SPTAN1: variants seen among roughly 807,000 people sequenced by gnomAD.
SPTAN1 encodes spectrin alpha chain, non-erythrocytic 1.
A neutral mutation model predicts 331.3 loss-of-function variants in SPTAN1; 61 were observed. That is an observed-to-expected ratio of 0.18 (90% CI 0.15 to 0.23). The LOEUF is 0.23. Among genes scored for constraint, SPTAN1 ranks in the 10% least tolerant of loss-of-function variants. SPTAN1 has a pLI of 1.00. For synonymous variants in SPTAN1, 1,153 were observed against 1,173.9 expected, an observed-to-expected ratio of 0.98 and a Z score of 0.36; for missense variants, 2,043 against 3,147.9, an observed-to-expected ratio of 0.65 and a Z score of 8.40.
Position 128,625,960 on chromosome 9 carries a change from T to C in SPTAN1, c.6261T>C (p.Ala2087=). The C allele has an allele frequency of 6.2e-7, 1 of 1,614,036 alleles. No homozygotes were observed. The highest frequency in any genetic ancestry group is 8.5e-7 in the Non-Finnish European group (1 of 1,179,982). The change falls in exon 48 of 57, where the codon GCT becomes GCC. Residue 2087 remains alanine (A), a synonymous_variant. Transcript: ENST00000372739. This position sits in a 1 kb window ranked among gnomAD's most constrained non-coding sequence, Gnocchi z 4.1. ...SAARKKKLLE[A]QSHFRKVEDL... ...CCCGCAAGAAGAAGCTTCTGGAGGC[T>C]CAGAGTCACTTCCGCAAGGTGAGGA...
At position 128,604,364 on chromosome 9, in the gene SPTAN1, C is replaced by G. The variant is rs372831978; in HGVS notation, c.3666C>G (p.Ala1222=). The change falls in exon 29 of 57, where the codon GCC becomes GCG. Residue 1222 remains alanine, a synonymous_variant. Coordinates refer to ENST00000372739, the MANE Select transcript of SPTAN1 (RefSeq NM_001130438.3). ...GCTGGCGGTCCCTACAGCAGCTGGC[C>G]GAGGAACGGAGCCAGCTCTTGGGCA... ...NERWRSLQQL[A]EERSQLLGSA... is the part of the protein sequence containing the mutation. 2 of 1,613,832 alleles carry G rather than the reference C, an allele frequency of 1.2e-6. No homozygotes were observed. The highest frequency in any genetic ancestry group is 1.3e-5 in the African/African-American group (1 of 74,920).
chr9:128,600,328 T>G (rs985417499), intron 27 of SPTAN1, among the ~76,000 whole-genome samples: 4 of 152,166 alleles, frequency 2.6e-5, no homozygotes, highest in Non-Finnish European at 5.9e-5. Context: ...TACAGTTAGG[T>G]TGCATTGATT....
rs551594202 is a variant in SPTAN1 at position 128,627,643 on chromosome 9, G to A, written c.6689+145G>A. 16 of 885,734 alleles carry A rather than the reference G, an allele frequency of 1.8e-5. No individual in the cohort carries two copies. Among genetic ancestry groups the A allele is most frequent in the Non-Finnish European group, 2.2e-5 (12 of 549,166 alleles). The allele number at this position is 885,734 out of a possible 1,614,324, so 54.9% of individuals were successfully genotyped here. On this transcript the variant is annotated intron_variant, in intron 50 of 56. Transcript: ENST00000372739. The surrounding 1 kb of genome is among the most constrained non-coding windows in gnomAD (Gnocchi z 4.9). ...AAAGCTGGGCTGGCAACGCCTGGTC[G>A]GGCTCTGGAGCCGGGAGTGGGGGCA...
Position 128,633,595 on chromosome 9 carries a change from T to A in SPTAN1, c.*261T>A. 9.0e-7 allele frequency: 1 copy of A among 1,114,468 alleles called. No individual in the cohort carries two copies. Among genetic ancestry groups the A allele is most frequent in the Non-Finnish European group, 1.3e-6 (1 of 772,900 alleles). 69.0% of individuals were successfully genotyped at this position (1,114,468 alleles called of 1,614,324 possible). ...TCGAAGCAGCTGGCTCCTCCCCTTG[T>A]TCTCTCTCCCACCCTCCCCCAAATC... On this transcript the variant is annotated 3_prime_UTR_variant, in exon 57 of 57. Coordinates refer to ENST00000372739, the MANE Select transcript of SPTAN1 (RefSeq NM_001130438.3).
At chr9:128,626,980 A>G (rs1216684772) in intron 49 of SPTAN1, 2 of 581,538 alleles carry the variant, frequency 3.4e-6, no homozygotes, top group East Asian at 7.9e-5. Flanking sequence ...ACGCCTGGCT[A>G]ATTATTTTAA....
rs1483154420 is a variant in SPTAN1 at position 128,618,033 on chromosome 9, G to A, written c.5525G>A (p.Gly1842Glu). ...AAGCTGTCCGATGACAACACCATCG[G>A]GAAAGAGGAGATCCAGCAGCGGCTG... Reference protein sequence around the residue: ...GKKLSDDNTIGKEEIQQRLAQ... With the variant: ...GKKLSDDNTIEKEEIQQRLAQ... Residue 1842 changes from glycine (G) to glutamate (E), a missense_variant, in exon 43 of 57, where the codon GGG (glycine) becomes GAG (glutamate). Around this residue, in one of 12 missense-constraint regions of SPTAN1, gnomAD observed 323 missense variants for 581.1 expected, o/e 0.56. Coordinates refer to ENST00000372739, the MANE Select transcript of SPTAN1 (RefSeq NM_001130438.3). 3 of 1,613,940 alleles carry A rather than the reference G, an allele frequency of 1.9e-6. No individual in the cohort carries two copies. Among genetic ancestry groups the A allele is most frequent in the Non-Finnish European group, 1.7e-6 (2 of 1,179,992 alleles).
chr9:128,606,721 G>C (rs1272563555), intron 31 of SPTAN1, among the ~76,000 whole-genome samples: 1 of 151,904 alleles, frequency 6.6e-6, no homozygotes, highest in East Asian at 1.9e-4. Flanking sequence ...CCTGACCTCA[G>C]GTGATCCACC....
At chr9:128,617,351 T>C (rs1857299333) in intron 41 of SPTAN1, among the ~76,000 whole-genome samples, 1 of 152,200 alleles carries the variant, frequency 6.6e-6, no homozygotes, top group Admixed American at 6.5e-5. Context: ...TATATTGATA[T>C]AATTTGATAG....
At position 128,632,446 on chromosome 9, in the gene SPTAN1, G is replaced by C; in HGVS notation, c.6975G>C (p.Val2325=). 1 of 1,614,146 alleles carries C rather than the reference G, an allele frequency of 6.2e-7. No homozygotes were observed. The highest frequency in any genetic ancestry group is 8.5e-7 in the Non-Finnish European group (1 of 1,180,042). ...TTTCTTCCAGGAACACAACAGGTGTGACTGAGGAGGCCCTCAAAGAATTCA... is the reference window on the plus strand; with the variant it reads ...TTTCTTCCAGGAACACAACAGGTGTCACTGAGGAGGCCCTCAAAGAATTCA... ...QQIQARNTTG[V]TEEALKEFSM... Residue 2325 remains valine, a synonymous_variant, in exon 54 of 57, where the codon GTG becomes GTC. Transcript: ENST00000372739.
intron 27 of SPTAN1, among the ~76,000 whole-genome samples, chr9:128,602,366 G>A (rs1855284551): frequency 1.3e-5 from 2 of 150,002 alleles, no homozygotes; most frequent in African/African-American, 2.5e-5. Flanking sequence ...ACAGGCACCC[G>A]CCACCATGCC....
rs960642482 is a variant in SPTAN1 at position 128,625,236 on chromosome 9, C to T, written c.6069+57C>T. Reference sequence around the variant, plus strand: ...TATGCAGATAGCATCTGTGAGATGACTGGTGGCGTCTTTCACTGAGGCATT... The same window carrying T: ...TATGCAGATAGCATCTGTGAGATGATTGGTGGCGTCTTTCACTGAGGCATT... On this transcript the variant is annotated intron_variant, in intron 47 of 56. Coordinates refer to ENST00000372739, the MANE Select transcript of SPTAN1 (RefSeq NM_001130438.3). The surrounding 1 kb of genome is among the most constrained non-coding windows in gnomAD (Gnocchi z 4.1). 3.3e-5 allele frequency: 51 copies of T among 1,544,932 alleles called. No homozygotes were observed. Among genetic ancestry groups the T allele is most frequent in the Non-Finnish European group, 4.6e-5 (51 of 1,118,584 alleles).
Position 128,633,361 on chromosome 9 carries a change from G to A in SPTAN1, c.*27G>A, listed in dbSNP as rs372819699. Reference sequence around the variant, plus strand: ...CCACTCCCTGGGTCACCCACCCCTCGCTGCTTGCCCTGCGTCGCCTTGCTG... The same window carrying A: ...CCACTCCCTGGGTCACCCACCCCTCACTGCTTGCCCTGCGTCGCCTTGCTG... On this transcript the variant is annotated 3_prime_UTR_variant, in exon 57 of 57. Transcript: ENST00000372739. The A allele has an allele frequency of 7.8e-5, 126 of 1,613,308 alleles. No homozygotes were observed. Among genetic ancestry groups the A allele is most frequent in the Middle Eastern group, 4.9e-4 (3 of 6,062 alleles).
intron 48 of SPTAN1, 99 bp downstream of exon 48, chr9:128,626,077 G>C: frequency 7.0e-7 from 1 of 1,421,230 alleles, no homozygotes; most frequent in Non-Finnish European, 9.8e-7. Context: ...TGAGGAAGCT[G>C]TGAGCTCAGT....
intron 21 of SPTAN1, among the ~76,000 whole-genome samples, chr9:128,589,966 T>A (rs1010352453): frequency 6.6e-6 from 1 of 152,308 alleles, no homozygotes; most frequent in Admixed American, 6.5e-5. Context: ...GGCTTTGTCT[T>A]CTTTAGGCTA....
intron 26 of SPTAN1, chr9:128,599,755 G>T: frequency 3.6e-6 from 1 of 279,598 alleles, no homozygotes; most frequent in Non-Finnish European, 6.7e-6. Context: ...GCTATCTTTA[G>T]GTTCATTTAT....
chr9:128,590,759 G>A (rs1268664264), intron 21 of SPTAN1, among the ~76,000 whole-genome samples: 2 of 151,960 alleles, frequency 1.3e-5, no homozygotes, highest in Non-Finnish European at 2.9e-5. Context: ...GCTGAGGCAG[G>A]GGAATCACTT....
chr9:128,626,894 A>G (rs2131973952), intron 49 of SPTAN1: 1 of 657,004 alleles, frequency 1.5e-6, no homozygotes, highest in Non-Finnish European at 2.7e-6. Context: ...GGCTCCCTGT[A>G]GCCTCAACCT....
chr9:128,588,608 G>A (rs1852997369), intron 20 of SPTAN1, among the ~76,000 whole-genome samples: 1 of 152,038 alleles, frequency 6.6e-6, no homozygotes, highest in Non-Finnish European at 1.5e-5. Flanking sequence ...ACCGTGCCCA[G>A]ACAAAATGAG....
chr9:128,560,947 C>T (rs887855319), intron 1 of SPTAN1, among the ~76,000 whole-genome samples: 7 of 126,760 alleles, frequency 5.5e-5, no homozygotes, highest in Admixed American at 2.0e-4. Context: ...ACCTGGGAGG[C>T]GGATGTTGCT....
Sources: gnomAD v4.1 joint callset for allele counts (sites outside exome capture counted in the v4.1 genomes callset) on GRCh38, gnomAD v4.1.1 for gene constraint, gnomAD v4.1.1 regional missense constraint, Gnocchi (gnomAD v3.1) non-coding constraint, MANE v1.5 for transcripts, NCBI Gene and HGNC (gene_info 2026-07-23, HGNC 2026-07-21) for gene names.